Variants in TNKS observed in about 807,000 individuals in gnomAD.
TNKS encodes poly [ADP-ribose] polymerase tankyrase-1.
A neutral mutation model predicts 135.8 loss-of-function variants in TNKS; 72 were observed. The observed-to-expected ratio is 0.53, with a 90% CI of 0.44 to 0.64. TNKS has a LOEUF of 0.64. TNKS is among the 30% of genes least tolerant of loss of function. The pLI is 0.00. For synonymous variants in TNKS, 849 were observed against 649.3 expected (o/e 1.31, Z -4.68); for missense variants, 1,769 against 1,674.0 (o/e 1.06, Z -0.99).
At position 9,569,856 on chromosome 8, in the gene TNKS, G is replaced by C. The variant is rs559711389; in HGVS notation, c.674-10303G>C. On this transcript the variant is annotated intron_variant, in intron 1 of 26. Coordinates refer to ENST00000310430, the MANE Select transcript of TNKS (RefSeq NM_003747.3). The stretch of plus-strand genomic sequence containing the variant: ...TAAAGTCATTGTGAATATTTTCCTG[G>C]CTTGTTTTAAAATTTTATCTGTAAG... Among the ~76,000 whole-genome samples the C allele has an allele frequency of 7.3e-5, 11 of 151,686 alleles. No homozygotes were observed. In the South Asian group the frequency reaches 2.3e-3, roughly 32 times the overall value.
At chr8:9,631,336 T>C (rs954164872) in intron 3 of TNKS, among the ~76,000 whole-genome samples, 16 of 152,222 alleles carry the variant, frequency 1.1e-4, no homozygotes, top group African/African-American at 3.1e-4. Context: ...GATTAAGAAC[T>C]ATCTAAGTCT....
chr8:9,563,064 C>G (rs566829391), intron 1 of TNKS, among the ~76,000 whole-genome samples: 35 of 151,884 alleles, frequency 2.3e-4, no homozygotes, highest in Non-Finnish European at 4.0e-4. Context: ...GTTACTTGCT[C>G]CATTTCTTTA....
At position 9,708,362 on chromosome 8, in the gene TNKS, C is replaced by A. The variant is rs1563181625; in HGVS notation, c.1457-9C>A. 12 of 1,570,996 alleles carry A rather than the reference C, an allele frequency of 7.6e-6. No individual in the cohort carries two copies. Among genetic ancestry groups the A allele is most frequent in the Non-Finnish European group, 9.5e-6 (11 of 1,158,732 alleles). On this transcript the variant is annotated splice_polypyrimidine_tract_variant and intron_variant, in intron 8 of 26. Transcript: ENST00000310430. ...TCTTTTTTTATGTCAACCATTGTTT[C>A]ATTGACAGATGAATTTAAAGGTCAT...
At chr8:9,699,988 G>C (rs1296636344) in intron 5 of TNKS, among the ~76,000 whole-genome samples, 3 of 152,044 alleles carry the variant, frequency 2.0e-5, no homozygotes, top group Non-Finnish European at 4.4e-5. Flanking sequence ...CACACAACCT[G>C]GAATAGTTTC....
intron 3 of TNKS, among the ~76,000 whole-genome samples, chr8:9,676,601 A>G (rs1377171014): frequency 6.6e-6 from 1 of 152,070 alleles, no homozygotes; most frequent in Non-Finnish European, 1.5e-5. Context: ...ACTCCAGAAA[A>G]ATAAAAAGAG....
rs372358789 is a variant in TNKS at position 9,771,678 on chromosome 8, GGAGA to G, written c.3897+1434_3897+1437del. ...ATGGAGGGGAGAGGCAGGAAGGGAGGGAGAGAGAGAGAGAGAGAGAGGAAGGGAG... is the reference window on the plus strand; with the variant it reads ...ATGGAGGGGAGAGGCAGGAAGGGAGGGAGAGAGAGAGAGAGAGGAAGGGAG... On this transcript the variant is annotated intron_variant, in intron 26 of 26. Coordinates refer to ENST00000310430, the MANE Select transcript of TNKS (RefSeq NM_003747.3). Among the ~76,000 whole-genome samples, 605 of 113,034 alleles carry G rather than the reference GGAGA, an allele frequency of 5.4e-3. 7 individuals are homozygous for G. The highest frequency in any genetic ancestry group is 0.017 in the African/African-American group (438 of 26,220). 74.2% of individuals were successfully genotyped at this position (113,034 alleles called of 152,430 possible). A position where few individuals can be genotyped will look rare whatever the true frequency, so the allele number is the denominator to read the frequency against.
At chr8:9,615,826 T>G in intron 3 of TNKS, 149 bp downstream of exon 3, 2 of 614,128 alleles carry the variant, frequency 3.3e-6, no homozygotes, top group Non-Finnish European at 5.6e-6. Flanking sequence ...TGATTTGATA[T>G]CTGTCTCATT....
At chr8:9,604,678 T>C (rs1200795837) in intron 2 of TNKS, among the ~76,000 whole-genome samples, 1 of 151,996 alleles carries the variant, frequency 6.6e-6, no homozygotes, top group Non-Finnish European at 1.5e-5. Flanking sequence ...TTGGTGCTTC[T>C]TGAACCTGTA....
rs545967071 is a variant in TNKS, at chr8:9,580,099, C to G, written c.674-60C>G. 83 of 1,413,504 alleles carry G rather than the reference C, an allele frequency of 5.9e-5. No individual in the cohort carries two copies. The South Asian group carries it at 9.3e-4, about 16-fold the overall frequency. 87.6% of individuals were successfully genotyped at this position (1,413,504 alleles called of 1,614,324 possible). ...ACTTGTTGATATTGTTACAGATATT[C>G]TAATGGTTCTTTTTACAAAATCAAA... is the stretch of plus-strand genomic sequence containing the variant. On this transcript the variant is annotated intron_variant, in intron 1 of 26. Transcript: ENST00000310430.
intron 2 of TNKS, among the ~76,000 whole-genome samples, chr8:9,599,886 A>G (rs1798946160): frequency 1.3e-5 from 2 of 152,178 alleles, no homozygotes; most frequent in Non-Finnish European, 2.9e-5. Context: ...GTAAAATTTC[A>G]TGCCAGAGTT....
At chr8:9,720,989 A>T (rs554765666) in intron 12 of TNKS, among the ~76,000 whole-genome samples, 126 of 152,224 alleles carry the variant, frequency 8.3e-4, no homozygotes, top group African/African-American at 2.9e-3. Context: ...TCTGGCTTAA[A>T]TATAATTATA....
At chr8:9,618,663 T>C (rs1799743421) in intron 3 of TNKS, among the ~76,000 whole-genome samples, 1 of 152,228 alleles carries the variant, frequency 6.6e-6, no homozygotes, top group South Asian at 2.1e-4. Context: ...GTTTTGATTA[T>C]AAATTTTTTA....
chr8:9,620,769 A>G (rs1271226041), intron 3 of TNKS, among the ~76,000 whole-genome samples: 2 of 152,188 alleles, frequency 1.3e-5, no homozygotes, highest in African/African-American at 4.8e-5. Context: ...CTGCTCCTCA[A>G]AGACGGCTTC....
At chr8:9,729,194 A>C (rs6992666) in intron 13 of TNKS, among the ~76,000 whole-genome samples, 87,474 of 151,962 alleles carry the variant, frequency 0.58, 25,652 homozygotes, top group Middle Eastern at 0.69. Flanking sequence ...CCTTAAGCCC[A>C]CATTCAGGAG....
At chr8:9,772,809 TTGTGTGTG>T (rs368113364) in intron 26 of TNKS, among the ~76,000 whole-genome samples, 58 of 86,692 alleles carry the variant, frequency 6.7e-4, no homozygotes, top group African/African-American at 2.2e-3. Context: ...GTGTGTGTGT[TTGTGTGTG>T]TGTGTGTGTG....
At chr8:9,628,506 A>ATT (rs1391201454) in intron 3 of TNKS, among the ~76,000 whole-genome samples, 1 of 150,944 alleles carries the variant, frequency 6.6e-6, no homozygotes, top group Admixed American at 6.6e-5. Context: ...CAAGGTACAA[A>ATT]TTCCTCCTGC....
At chr8:9,593,012 T>G (rs1203146549) in intron 2 of TNKS, among the ~76,000 whole-genome samples, 2 of 152,240 alleles carry the variant, frequency 1.3e-5, no homozygotes, top group Non-Finnish European at 2.9e-5. Flanking sequence ...GCATTAACTT[T>G]TGGTTATAAT....
chr8:9,724,984 CTT>C (rs139775298), intron 12 of TNKS, among the ~76,000 whole-genome samples: 106,307 of 151,816 alleles, frequency 0.7, 37,750 homozygotes, highest in Admixed American at 0.8. Context: ...ACAATTGTCT[CTT>C]TATTTTGTTG....
intron 17 of TNKS, among the ~76,000 whole-genome samples, chr8:9,744,737 T>C (rs763178019): frequency 1.5e-4 from 23 of 152,366 alleles, no homozygotes; most frequent in Admixed American, 2.0e-4. Flanking sequence ...TTTGCCTCAA[T>C]GGTGTAGCTA....
Sources: gnomAD v4.1 joint callset for allele counts (sites outside exome capture counted in the v4.1 genomes callset) on GRCh38, gnomAD v4.1.1 for gene constraint, MANE v1.5 for transcripts, NCBI Gene and HGNC (gene_info 2026-07-23, HGNC 2026-07-21) for gene names.